The following FRYL variants were observed in gnomAD, a reference collection of about 807,000 sequenced individuals.
FRYL encodes the protein FRY like transcription coactivator.
Under a neutral mutation model 351.2 loss-of-function variants are expected in FRYL, and 150 were observed. That is an observed-to-expected ratio of 0.43 (90% confidence interval 0.37 to 0.49). FRYL has a LOEUF of 0.49. FRYL is among the 20% of genes least tolerant of loss of function. The pLI is 0.00. For missense variants in FRYL, 3,036 were observed against 3,619.3 expected (o/e 0.84, Z 4.13); for synonymous variants, 1,153 against 1,257.1 (o/e 0.92, Z 1.75).
At chr4:48,686,603 T>C (rs141459745) in intron 2 of FRYL, among the ~76,000 whole-genome samples, 35 of 152,306 alleles carry the variant, frequency 2.3e-4, no homozygotes, top group Non-Finnish European at 4.1e-4. Flanking sequence ...TATCTTTCAT[T>C]TCATCTTCTG....
In FRYL at chr4:48,498,088, T is replaced by C. The variant is rs2148680766; in HGVS notation, c.*1334A>G. ...ACTACATTCTTTTTTTTTTTTTTTC[T>C]TTCTTTTCTTACAAAATGCGATTTT... On this transcript the variant is annotated 3_prime_UTR_variant, in exon 64 of 64. Transcript: ENST00000358350. 6.6e-6 allele frequency: 1 copy of C among 151,032 alleles called. No homozygotes were observed. Among genetic ancestry groups the C allele is most frequent in the African/African-American group, 2.4e-5 (1 of 41,156 alleles). The allele number at this position is 151,032 out of a possible 1,614,324, so 9.4% of individuals were successfully genotyped here.
chr4:48,747,472 T>C lies in FRYL; in HGVS notation c.-384+32606A>G, dbSNP rs192937358. Among the ~76,000 whole-genome samples, 373 of 152,358 alleles carry C rather than the reference T, an allele frequency of 2.4e-3. 5 individuals carry two copies. The highest frequency in any genetic ancestry group is 0.014 in the Middle Eastern group (4 of 294). On this transcript the variant is annotated intron_variant, in intron 1 of 63. Coordinates refer to ENST00000358350, the MANE Select transcript of FRYL (RefSeq NM_015030.2). ...TATTTTATTCAAATTTATATTTTAT[T>C]CAGATTAAAAACAATCAATATATGA...
At chr4:48,545,943 T>C in intron 42 of FRYL, 124 bp downstream of exon 42, 2 of 874,776 alleles carry the variant, frequency 2.3e-6, no homozygotes, top group Non-Finnish European at 3.6e-6. Context: ...TACTGTGCAA[T>C]ACAAACCTGT....
intron 1 of FRYL, chr4:48,727,329 A>C (rs1006998384): frequency 1.3e-5 from 2 of 152,286 alleles, no homozygotes; most frequent in African/African-American, 4.8e-5. Flanking sequence ...ACAACAACTA[A>C]TCTTAGCTCC....
chr4:48,542,221 A>G (rs2148940157), intron 44 of FRYL, 100 bp from the exon 45 acceptor site: 1 of 780,730 alleles, frequency 1.3e-6, no homozygotes, highest in East Asian at 2.5e-5. Flanking sequence ...ACTCCATGTT[A>G]TGTTACAAAA....
At chr4:48,716,249 G>C (rs1456008310) in intron 1 of FRYL, among the ~76,000 whole-genome samples, 6 of 151,286 alleles carry the variant, frequency 4.0e-5, no homozygotes, top group Non-Finnish European at 7.4e-5. Flanking sequence ...CAAAAGCAAT[G>C]GCAACAAAAG....
intron 44 of FRYL, among the ~76,000 whole-genome samples, chr4:48,543,527 C>T (rs1245710301): frequency 6.6e-6 from 1 of 152,072 alleles, no homozygotes; most frequent in Non-Finnish European, 1.5e-5. Flanking sequence ...ATCTTTTTTA[C>T]CTTGTGATCA....
intron 44 of FRYL, among the ~76,000 whole-genome samples, chr4:48,542,381 CTG>C (rs57782838): frequency 2.4e-3 from 359 of 152,278 alleles, no homozygotes; most frequent in African/African-American, 8.3e-3. Flanking sequence ...CACATCTAAA[CTG>C]AATCCACCAG....
At chr4:48,639,714 T>C (rs912459605) in intron 3 of FRYL, among the ~76,000 whole-genome samples, 23 of 151,918 alleles carry the variant, frequency 1.5e-4, no homozygotes, top group Admixed American at 6.6e-4. Context: ...ATTAAGGACA[T>C]GAAAAGACAA....
intron 3 of FRYL, among the ~76,000 whole-genome samples, chr4:48,676,285 A>C (rs111245695): frequency 2.6e-4 from 40 of 152,178 alleles, no homozygotes; most frequent in Non-Finnish European, 5.9e-5. Context: ...TATGAGCTGT[A>C]ACACTCACCG....
chr4:48,700,673 G>A (rs1241345733), intron 2 of FRYL, among the ~76,000 whole-genome samples: 2 of 151,422 alleles, frequency 1.3e-5, no homozygotes, highest in African/African-American at 4.9e-5. Context: ...ATGGTGGTGT[G>A]TGTTTGTAGT....
At chr4:48,717,794 A>C (rs1769033090) in intron 1 of FRYL, among the ~76,000 whole-genome samples, 1 of 151,038 alleles carries the variant, frequency 6.6e-6, no homozygotes, top group South Asian at 2.1e-4. Flanking sequence ...CTCCTCCCTC[A>C]CATTCCAAAG....
At chr4:48,699,073 A>G (rs1766477818) in intron 2 of FRYL, among the ~76,000 whole-genome samples, 2 of 152,220 alleles carry the variant, frequency 1.3e-5, no homozygotes, top group Admixed American at 6.5e-5. Context: ...TCAACTTTAC[A>G]AATGTGGAAA....
chr4:48,519,539 T>G (rs1326776218), intron 55 of FRYL, among the ~76,000 whole-genome samples: 1 of 151,838 alleles, frequency 6.6e-6, no homozygotes, highest in Non-Finnish European at 1.5e-5. Context: ...AGTCTCACTC[T>G]GTTGCCAGGT....
At chr4:48,535,094 G>C (rs1299280692) in intron 48 of FRYL, among the ~76,000 whole-genome samples, 1 of 151,994 alleles carries the variant, frequency 6.6e-6, no homozygotes, top group Non-Finnish European at 1.5e-5. Context: ...TGCTGTTCTA[G>C]GGCTACTTTA....
chr4:48,722,608 T>A (rs1769612812), intron 1 of FRYL, among the ~76,000 whole-genome samples: 1 of 152,230 alleles, frequency 6.6e-6, no homozygotes, highest in Admixed American at 6.5e-5. Context: ...TAATTTCTTC[T>A]GATCACAGTA....
chr4:48,500,708 G>A (rs1367369378), intron 62 of FRYL, among the ~76,000 whole-genome samples: 5 of 152,154 alleles, frequency 3.3e-5, no homozygotes, highest in African/African-American at 1.2e-4. Flanking sequence ...AAAGACTAAA[G>A]TTAGCATCTT....
At chr4:48,504,784 G>A (rs1319695101) in intron 60 of FRYL, among the ~76,000 whole-genome samples, 1 of 152,028 alleles carries the variant, frequency 6.6e-6, no homozygotes, top group Non-Finnish European at 1.5e-5. Flanking sequence ...CACTTAGCGA[G>A]TATACTATTA....
Position 48,562,912 on chromosome 4 carries a change from C to A in FRYL, c.3673G>T (p.Glu1225Ter). ...KAADSSRSIY[E>*]VAMQLLQILE... is the part of the protein sequence containing the mutation. The stretch of plus-strand genomic sequence containing the variant: ...ACCTGTAAAAGTTGCATAGCAACTT[C>A]ATAGATACTTCTAGAAGAATCAGCT... Residue 1225 changes from glutamate (E) to a stop codon, truncating the protein, a stop_gained, in exon 32 of 64, where the codon GAA (glutamate) becomes TAA (stop). Coordinates refer to ENST00000358350, the MANE Select transcript of FRYL (RefSeq NM_015030.2). LOFTEE classifies it high-confidence loss of function. 1 of 1,602,110 alleles carries A rather than the reference C, an allele frequency of 6.2e-7. No individual in the cohort carries two copies. The highest frequency in any genetic ancestry group is 8.5e-7 in the Non-Finnish European group (1 of 1,171,224).
Sources: gnomAD v4.1 joint callset for allele counts (sites outside exome capture counted in the v4.1 genomes callset) on GRCh38, gnomAD v4.1.1 for gene constraint, MANE v1.5 for transcripts, NCBI Gene and HGNC (gene_info 2026-07-23, HGNC 2026-07-21) for gene names.